RFFL: variants seen among roughly 807,000 people sequenced by gnomAD.
RFFL encodes E3 ubiquitin-protein ligase rififylin.
RFFL carries 16 observed loss-of-function variants against 40.4 expected under a neutral mutation model. The observed-to-expected ratio is 0.40, with a 90% CI of 0.27 to 0.60. The LOEUF (loss-of-function observed/expected upper bound fraction) is 0.60, where lower values mean the gene tolerates loss of function less well. Among genes scored for constraint, RFFL ranks in the 20% least tolerant of loss-of-function variants. RFFL has a pLI of 0.47. For synonymous variants in RFFL, 154 were observed against 167.9 expected (o/e 0.92, Z 0.64); for missense variants, 367 against 451.7 (o/e 0.81, Z 1.70).
intron 1 of RFFL, among the ~76,000 whole-genome samples, chr17:35,054,378 A>G (rs1331692915): frequency 6.6e-6 from 1 of 152,100 alleles, no homozygotes; most frequent in Non-Finnish European, 1.5e-5. Flanking sequence ...TTTCTGATTT[A>G]TTTTTCCCAC....
At chr17:35,081,431 G>A (rs1184110182) in intron 1 of RFFL, among the ~76,000 whole-genome samples, 3 of 152,142 alleles carry the variant, frequency 2.0e-5, no homozygotes, top group African/African-American at 4.8e-5. Flanking sequence ...AGAATAGAAC[G>A]ATTTGGGAAT....
chr17:35,023,979 G>A (rs1373317203), intron 2 of RFFL, among the ~76,000 whole-genome samples: 2 of 152,170 alleles, frequency 1.3e-5, no homozygotes, highest in Admixed American at 1.3e-4. Flanking sequence ...ACAAATGCAG[G>A]CAGAATGAGC....
At chr17:35,038,370 A>G (rs967525466) in intron 1 of RFFL, among the ~76,000 whole-genome samples, 3 of 151,952 alleles carry the variant, frequency 2.0e-5, no homozygotes, top group Non-Finnish European at 4.4e-5. Flanking sequence ...CAATTTGGAA[A>G]TTTTGTGTGT....
chr17:35,024,197 C>T (rs889340272), intron 2 of RFFL, among the ~76,000 whole-genome samples: 2 of 152,178 alleles, frequency 1.3e-5, no homozygotes, highest in Admixed American at 1.3e-4. Context: ...TGCTGGCTCC[C>T]GTTTGCCAAC....
intron 1 of RFFL, among the ~76,000 whole-genome samples, chr17:35,060,594 A>G (rs968769974): frequency 6.6e-6 from 1 of 152,190 alleles, no homozygotes; most frequent in African/African-American, 2.4e-5. Context: ...CACCATAAAA[A>G]TGTCGTGATA....
intron 2 of RFFL, among the ~76,000 whole-genome samples, chr17:35,022,863 C>T (rs2091018079): frequency 6.6e-6 from 1 of 152,230 alleles, no homozygotes; most frequent in African/African-American, 2.4e-5. Flanking sequence ...CCTGAAAGCA[C>T]AGAGTGTCTC....
intron 1 of RFFL, among the ~76,000 whole-genome samples, chr17:35,062,091 T>A (rs996589033): frequency 2.6e-5 from 4 of 152,064 alleles, no homozygotes; most frequent in African/African-American, 9.7e-5. Flanking sequence ...GTTTAGCACA[T>A]TTAAAGATGT....
upstream of RFFL, among the ~76,000 whole-genome samples, chr17:35,067,451 CAAGCCT>C (rs1338194052): frequency 1.4e-5 from 2 of 147,662 alleles, no homozygotes; most frequent in African/African-American, 5.2e-5. Context: ...CTCTCTCTTC[CAAGCCT>C]TTTTTTTTTT....
chr17:35,050,557 C>A (rs1165840044), intron 1 of RFFL, among the ~76,000 whole-genome samples: 1 of 151,746 alleles, frequency 6.6e-6, no homozygotes, highest in Non-Finnish European at 1.5e-5. Flanking sequence ...GGAGGTCTCA[C>A]TATATTGCCT....
intron 1 of RFFL, among the ~76,000 whole-genome samples, chr17:35,059,105 G>A (rs1012502812): frequency 2.1e-5 from 3 of 142,538 alleles, no homozygotes; most frequent in African/African-American, 2.6e-5. Context: ...TGCAACCTCC[G>A]CCTCCCATGT....
chr17:35,043,000 G>GGAGGAAAACAT (rs2091176424), intron 1 of RFFL, among the ~76,000 whole-genome samples: 1 of 152,044 alleles, frequency 6.6e-6, no homozygotes, highest in Middle Eastern at 3.2e-3. Context: ...AGAACTCAGG[G>GGAGGAAAACAT]GAGGAAAACA....
In RFFL at chr17:35,016,467, A is replaced by G. The variant is rs773552943; in HGVS notation, c.789T>C (p.Ala263=). The G allele has an allele frequency of 6.2e-7, 1 of 1,614,190 alleles. No homozygotes were observed. The highest frequency in any genetic ancestry group is 1.1e-5 in the South Asian group (1 of 91,082). ...AGCCCTTGTAGTTGACAAAGTTGCG[A>G]GCCAAGATCTCTTTCAGCTGCCGCA... The part of the protein sequence containing the change: ...LTVRQLKEIL[A]RNFVNYKGCC... Residue 263 remains alanine, a synonymous_variant, in exon 5 of 7, where the codon GCT becomes GCC. Coordinates refer to ENST00000394597, the MANE Select transcript of RFFL (RefSeq NM_001017368.2).
intron 1 of RFFL, among the ~76,000 whole-genome samples, chr17:35,030,517 G>A (rs1177045911): frequency 6.6e-6 from 1 of 151,940 alleles, no homozygotes; most frequent in Non-Finnish European, 1.5e-5. Context: ...TAGCCAGGAT[G>A]GGCAAATCTC....
At chr17:35,028,482 A>C (rs1003856466) in intron 1 of RFFL, among the ~76,000 whole-genome samples, 2 of 152,136 alleles carry the variant, frequency 1.3e-5, no homozygotes, top group Non-Finnish European at 2.9e-5. Flanking sequence ...ATAACCTAAC[A>C]ATTGTAAGAG....
At chr17:35,044,098 T>C (rs1157674443) in intron 1 of RFFL, among the ~76,000 whole-genome samples, 1 of 152,206 alleles carries the variant, frequency 6.6e-6, no homozygotes, top group Non-Finnish European at 1.5e-5. Context: ...CTCTATTTCA[T>C]TGATTCATTT....
chr17:35,033,610 G>T (rs1056864782), intron 1 of RFFL, among the ~76,000 whole-genome samples: 1 of 151,942 alleles, frequency 6.6e-6, no homozygotes, highest in African/African-American at 2.4e-5. Context: ...TCCCGGGCAG[G>T]ATAAAAGTCA....
intron 1 of RFFL, among the ~76,000 whole-genome samples, chr17:35,059,017 ATT>A (rs750015998): frequency 1.4e-4 from 17 of 123,464 alleles, no homozygotes; most frequent in African/African-American, 2.2e-4. Context: ...TCGAGCTAGA[ATT>A]TTTTTTTTTT....
At position 35,009,269 on chromosome 17, in the gene RFFL, T is replaced by C. The variant is rs780802896; in HGVS notation, c.*2699A>G. Reference sequence around the variant, plus strand: ...CACATCCAAGAGATTTCCACAAATTTATACAATGTATATTGAGCACTAGTT... The same window carrying C: ...CACATCCAAGAGATTTCCACAAATTCATACAATGTATATTGAGCACTAGTT... On this transcript the variant is annotated 3_prime_UTR_variant, in exon 7 of 7. Transcript: ENST00000394597. 3 of 152,570 alleles carry C rather than the reference T, an allele frequency of 2.0e-5. No individual in the cohort carries two copies. Among genetic ancestry groups the C allele is most frequent in the African/African-American group, 4.8e-5 (2 of 41,460 alleles). 9.5% of individuals were successfully genotyped at this position (152,570 alleles called of 1,614,324 possible).
chr17:35,028,132 C>T (rs954244424), intron 1 of RFFL, among the ~76,000 whole-genome samples: 9 of 151,756 alleles, frequency 5.9e-5, no homozygotes, highest in Admixed American at 3.3e-4. Context: ...CTCAGGAGTT[C>T]AAGACCAGTC....
Sources: gnomAD v4.1 joint callset for allele counts (sites outside exome capture counted in the v4.1 genomes callset) on GRCh38, gnomAD v4.1.1 for gene constraint, MANE v1.5 for transcripts, NCBI Gene and HGNC (gene_info 2026-07-23, HGNC 2026-07-21) for gene names.